Variants in PGM1 observed in about 807,000 individuals in gnomAD.
The protein encoded by PGM1 is phosphoglucomutase-1.
A neutral mutation model predicts 55.6 loss-of-function variants in PGM1; 52 were observed. That is an observed-to-expected ratio of 0.94 (90% CI 0.75 to 1.18). The LOEUF is 1.18. PGM1 is among the 50% of genes most tolerant of loss of function. The probability of loss-of-function intolerance (pLI) is 0.00; values close to 1 mark genes in which losing one functional copy is unlikely to be tolerated. For synonymous variants in PGM1, 287 were observed against 271.7 expected, an observed-to-expected ratio of 1.06 and a Z score of -0.55; for missense variants, 724 against 729.3, an observed-to-expected ratio of 0.99 and a Z score of 0.08.
intron 7 of PGM1, among the ~76,000 whole-genome samples, chr1:63,646,517 C>G (rs1010060952): frequency 1.3e-4 from 20 of 152,024 alleles, no homozygotes; most frequent in Non-Finnish European, 2.9e-5. Flanking sequence ...TTAACCAAAC[C>G]TTAATGGTTA....
At chr1:63,633,916 G>A (rs374723697) in intron 4 of PGM1, among the ~76,000 whole-genome samples, 7,751 of 33,134 alleles carry the variant, frequency 0.23, 504 homozygotes, top group African/African-American at 0.27. Flanking sequence ...GTGTGTGTGT[G>A]TGTATATATA....
At chr1:63,605,997 G>A (rs750537165) in intron 1 of PGM1, among the ~76,000 whole-genome samples, 9 of 152,130 alleles carry the variant, frequency 5.9e-5, no homozygotes, top group Non-Finnish European at 1.0e-4. Context: ...GGACTTGGAC[G>A]GTATCATTTG....
chr1:63,594,108 A>G (rs2100948643), intron 1 of PGM1: 1 of 1,014,788 alleles, frequency 9.9e-7, no homozygotes, highest in South Asian at 4.4e-5. Flanking sequence ...GGAAGATACG[A>G]TTACGGCGCA....
chr1:63,606,026 A>G (rs1648407479), intron 1 of PGM1, among the ~76,000 whole-genome samples: 1 of 152,224 alleles, frequency 6.6e-6, no homozygotes, highest in African/African-American at 2.4e-5. Flanking sequence ...AGTAAAAACA[A>G]AAAACAAAAC....
At chr1:63,594,083 T>C in intron 1 of PGM1, 2 of 1,045,022 alleles carry the variant, frequency 1.9e-6, no homozygotes, top group Non-Finnish European at 1.1e-6. Flanking sequence ...ACATTTGCCC[T>C]AACCTTGCAG....
At chr1:63,634,497 C>T (rs1480882239) in intron 4 of PGM1, among the ~76,000 whole-genome samples, 2 of 152,166 alleles carry the variant, frequency 1.3e-5, no homozygotes, top group Non-Finnish European at 2.9e-5. Flanking sequence ...CTAAGCTGTA[C>T]AACCTTCTGA....
intron 1 of PGM1, among the ~76,000 whole-genome samples, chr1:63,614,953 G>GA (rs35805910): frequency 0.28 from 43,013 of 152,028 alleles, 7,382 homozygotes; most frequent in East Asian, 0.5. Context: ...AAGAAACTGA[G>GA]GCCAGAAAGG....
intron 1 of PGM1, among the ~76,000 whole-genome samples, chr1:63,609,338 T>C (rs1309148357): frequency 6.6e-6 from 1 of 152,242 alleles, no homozygotes; most frequent in Non-Finnish European, 1.5e-5. Context: ...CTGGCATTTC[T>C]GGAAACCTCC....
intron 1 of PGM1, among the ~76,000 whole-genome samples, chr1:63,624,361 C>T (rs967304694): frequency 6.6e-6 from 1 of 152,152 alleles, no homozygotes; most frequent in Non-Finnish European, 1.5e-5. Context: ...TGAATTTGTG[C>T]AGCAGGGTAG....
At chr1:63,602,034 A>T (rs1648259078) in intron 1 of PGM1, among the ~76,000 whole-genome samples, 1 of 152,250 alleles carries the variant, frequency 6.6e-6, no homozygotes, top group Non-Finnish European at 1.5e-5. Context: ...GATAGGTGGT[A>T]GGACAGAAAT....
In PGM1 at chr1:63,593,569, G is replaced by A. The variant is rs1647929733; in HGVS notation, c.81G>A (p.Lys27=). The A allele has an allele frequency of 2.5e-6, 4 of 1,613,748 alleles. No individual in the cohort carries two copies. Among genetic ancestry groups the A allele is most frequent in the African/African-American group, 2.7e-5 (2 of 74,924 alleles). The change falls in exon 1 of 11, where the codon AAG becomes AAA. Residue 27 remains lysine (K), a synonymous_variant. Transcript: ENST00000371084. The part of the protein sequence containing the change: ...PGTSGLRKRV[K]VFQSSANYAE... ...CGAGCGGGCTGCGGAAGCGGGTGAA[G>A]GTGTTCCAGAGCAGCGCCAACTACG...
chr1:63,637,847 T>C (rs1479146810), intron 6 of PGM1, among the ~76,000 whole-genome samples: 2 of 152,178 alleles, frequency 1.3e-5, no homozygotes. Context: ...TATTGTACTT[T>C]CATAGTTTTC....
chr1:63,606,932 A>G (rs1018243807), intron 1 of PGM1, among the ~76,000 whole-genome samples: 1 of 152,204 alleles, frequency 6.6e-6, no homozygotes, highest in Non-Finnish European at 1.5e-5. Flanking sequence ...CAAGGCACAA[A>G]CATTGCCATT....
At chr1:63,599,306 C>G (rs1570468906) in intron 1 of PGM1, among the ~76,000 whole-genome samples, 1 of 152,250 alleles carries the variant, frequency 6.6e-6, no homozygotes, top group East Asian at 1.9e-4. Context: ...GGTGGGACTA[C>G]AGGCGTGCAC....
At chr1:63,636,428 G>A (rs542621002) in intron 6 of PGM1, 40 bp downstream of exon 6, 25 of 1,603,546 alleles carry the variant, frequency 1.6e-5, no homozygotes, top group East Asian at 1.3e-4. Context: ...GTCTTAGGTC[G>A]TCCCAGTCTT....
Position 63,630,069 on chromosome 1 carries a change from T to C in PGM1, c.537T>C (p.Asn179=), listed in dbSNP as rs1457551725. 2 of 1,613,908 alleles carry C rather than the reference T, an allele frequency of 1.2e-6. No individual in the cohort carries two copies. Among genetic ancestry groups the C allele is most frequent in the Non-Finnish European group, 1.7e-6 (2 of 1,179,930 alleles). Residue 179 remains asparagine (N), a synonymous_variant, in exon 3 of 11, where the codon AAT becomes AAC. Coordinates refer to ENST00000371084, the MANE Select transcript of PGM1 (RefSeq NM_002633.3). ...GAAAGCAGCAGTTTGACTTGGAAAA[T>C]AAGTTCAAACCCTTCACAGGCATGT... ...VLGKQQFDLE[N]KFKPFTVEIV...
In PGM1 at chr1:63,638,761, A is replaced by G; in HGVS notation, c.1105A>G (p.Ser369Gly). 6.2e-7 allele frequency: 1 copy of G among 1,614,076 alleles called. No homozygotes were observed. Among genetic ancestry groups the G allele is most frequent in the Non-Finnish European group, 8.5e-7 (1 of 1,179,954 alleles). Residue 369 changes from serine to glycine, a missense_variant, in exon 7 of 11, where the codon AGC becomes GGC. Physicochemically the swap from Ser to Gly is moderately conservative, Grantham distance 56 (BLOSUM62 0). Around this residue, in one of 3 missense-constraint regions of PGM1, gnomAD observed 316 missense variants for 313.1 expected, o/e 1.01. Transcript: ENST00000371084. ...WKFFGNLMDA[S>G]KLSLCGEESF... is the part of the protein sequence containing the mutation. ...GTTTTTTGGGAATTTGATGGACGCG[A>G]GCAAACTGTCCCTTTGTGGGGAGGA...
rs757175276 is a variant in PGM1, at chr1:63,634,927, C to G, written c.781C>G (p.His261Asp). ...CVPLEDFGGH[H>D]PDPNLTYAAD... ...TCCTCTGGAGGACTTTGGAGGCCAC[C>G]ACCCTGACCCCAACCTCACCTATGC... The change falls in exon 5 of 11, where the codon CAC becomes GAC. Residue 261 changes from histidine (H) to aspartate (D), a missense_variant. Transcript: ENST00000371084. The G allele has an allele frequency of 6.2e-7, 1 of 1,613,950 alleles. No individual in the cohort carries two copies. The highest frequency in any genetic ancestry group is 2.2e-5 in the East Asian group (1 of 44,868).
intron 1 of PGM1, among the ~76,000 whole-genome samples, chr1:63,614,220 T>C (rs763627563): frequency 4.3e-4 from 66 of 152,298 alleles, no homozygotes; most frequent in Non-Finnish European, 7.1e-4. Flanking sequence ...AGAAGCTAAG[T>C]GATTCGCCCA....
Sources: gnomAD v4.1 joint callset for allele counts (sites outside exome capture counted in the v4.1 genomes callset) on GRCh38, gnomAD v4.1.1 for gene constraint, gnomAD v4.1.1 regional missense constraint, MANE v1.5 for transcripts, NCBI Gene and HGNC (gene_info 2026-07-23, HGNC 2026-07-21) for gene names.